Variants in THADA observed in about 807,000 individuals in gnomAD.
The protein encoded by THADA is THADA armadillo repeat containing, also known as tRNA (32-2'-O)-methyltransferase regulator THADA.
THADA carries 213 observed loss-of-function variants against 219.8 expected under a neutral mutation model. The observed-to-expected ratio is 0.97, with a 90% CI of 0.87 to 1.09. The LOEUF is 1.09. THADA is among the 50% of genes least tolerant of loss of function. The pLI, the probability that THADA is intolerant of heterozygous loss-of-function variation, is 0.00. For synonymous variants in THADA, 1,018 were observed against 828.9 expected (o/e 1.23, Z -3.92); for missense variants, 2,956 against 2,311.3 (o/e 1.28, Z -5.72).
intron 26 of THADA, among the ~76,000 whole-genome samples, chr2:43,445,304 T>G (rs1164545587): frequency 6.6e-6 from 1 of 152,100 alleles, no homozygotes; most frequent in African/African-American, 2.4e-5. Context: ...AAAAGAAATC[T>G]CAGTTTGAAA....
intron 36 of THADA, among the ~76,000 whole-genome samples, chr2:43,277,025 A>G (rs543435201): frequency 4.1e-4 from 63 of 151,862 alleles, no homozygotes; most frequent in Middle Eastern, 6.8e-3. Context: ...TCCCAACCCC[A>G]CTGAGAGCAG....
intron 26 of THADA, among the ~76,000 whole-genome samples, chr2:43,436,668 G>C (rs138714224): frequency 1.3e-5 from 2 of 152,104 alleles, no homozygotes; most frequent in Non-Finnish European, 2.9e-5. Flanking sequence ...CTGTACTTAA[G>C]CAATCCTTCC....
chr2:43,390,000 C>T (rs1373386574), intron 29 of THADA, among the ~76,000 whole-genome samples: 2 of 152,196 alleles, frequency 1.3e-5, no homozygotes, highest in Non-Finnish European at 2.9e-5. Context: ...CAGTACCTGA[C>T]ATAGTATGTA....
At chr2:43,583,978 T>A (rs1700737497) in intron 7 of THADA, among the ~76,000 whole-genome samples, 1 of 147,412 alleles carries the variant, frequency 6.8e-6, no homozygotes, top group South Asian at 2.1e-4. Context: ...AGGCAGAGAT[T>A]GCAGTGAGCC....
chr2:43,500,988 A>T (rs959465147), intron 24 of THADA, among the ~76,000 whole-genome samples: 3 of 152,084 alleles, frequency 2.0e-5, no homozygotes, highest in African/African-American at 7.2e-5. Context: ...AAGACATTAG[A>T]AATAAATCTC....
At chr2:43,400,346 AAAG>A (rs1245945497) in intron 28 of THADA, among the ~76,000 whole-genome samples, 1 of 151,874 alleles carries the variant, frequency 6.6e-6, no homozygotes, top group African/African-American at 2.4e-5. Context: ...AATTACCAAA[AAAG>A]AAGCCAATTC....
At chr2:43,438,435 G>C (rs1425999249) in intron 26 of THADA, among the ~76,000 whole-genome samples, 1 of 151,936 alleles carries the variant, frequency 6.6e-6, no homozygotes, top group Admixed American at 6.6e-5. Flanking sequence ...AATTACTACA[G>C]TTCTGAAAAA....
intron 31 of THADA, among the ~76,000 whole-genome samples, chr2:43,303,064 G>A (rs1434503471): frequency 6.6e-6 from 1 of 152,204 alleles, no homozygotes; most frequent in East Asian, 1.9e-4. Flanking sequence ...TACAGCTTTG[G>A]AGAAGTTGAT....
intron 26 of THADA, among the ~76,000 whole-genome samples, chr2:43,439,773 G>C (rs983010835): frequency 6.6e-6 from 1 of 152,152 alleles, no homozygotes; most frequent in Non-Finnish European, 1.5e-5. Context: ...GTCTTGAAAA[G>C]TATCCCCCAC....
intron 31 of THADA, 147 bp from the exon 32 acceptor site, chr2:43,293,360 C>T: frequency 1.1e-6 from 1 of 893,422 alleles, no homozygotes. Context: ...AGTGAGTGGC[C>T]CTCTAAGGTT....
chr2:43,444,939 C>T (rs1403821689), intron 26 of THADA, among the ~76,000 whole-genome samples: 1 of 152,162 alleles, frequency 6.6e-6, no homozygotes, highest in African/African-American at 2.4e-5. Context: ...AAAAACAGGA[C>T]TTATTCACAG....
At chr2:43,346,875 C>T (rs1244346906) in intron 29 of THADA, among the ~76,000 whole-genome samples, 1 of 152,200 alleles carries the variant, frequency 6.6e-6, no homozygotes, top group Non-Finnish European at 1.5e-5. Context: ...TGACCTCCCC[C>T]TCCAACAAGT....
At chr2:43,238,118 C>CA (rs59802310) in intron 36 of THADA, among the ~76,000 whole-genome samples, 2,823 of 28,208 alleles carry the variant, frequency 0.1, 764 homozygotes, top group East Asian at 0.2. Context: ...GATTCCATCT[C>CA]AAAAAAAAAA....
rs1355402404 is a variant in THADA at position 43,498,964 on chromosome 2, A to G, written c.3622-9T>C. ...ATATTTAAAGCATGAACCTAAAACAAGAAGTTCAAAATTAGTTGTGGGTTG... is the reference window on the plus strand; with the variant it reads ...ATATTTAAAGCATGAACCTAAAACAGGAAGTTCAAAATTAGTTGTGGGTTG... On this transcript the variant is annotated splice_polypyrimidine_tract_variant and intron_variant, in intron 24 of 37. Transcript: ENST00000405975. The G allele has an allele frequency of 4.5e-6, 7 of 1,555,714 alleles. No homozygotes were observed. In the African/African-American group the frequency reaches 5.4e-5, roughly 12 times the overall value.
Position 43,590,960 on chromosome 2 carries a change from A to G in THADA, c.172-6T>C. The stretch of plus-strand genomic sequence containing the variant: ...TTCTCCAGCAGAGGCACAATCTATA[A>G]TACAAAACATTGAAGTAATTTTTAT... On this transcript the variant is annotated splice_polypyrimidine_tract_variant and splice_region_variant and intron_variant, in intron 3 of 37. Transcript: ENST00000405975. The G allele has an allele frequency of 1.2e-6, 2 of 1,605,962 alleles. No individual in the cohort carries two copies. The highest frequency in any genetic ancestry group is 1.7e-6 in the Non-Finnish European group (2 of 1,176,968).
intron 32 of THADA, among the ~76,000 whole-genome samples, 200 bp downstream of exon 32, chr2:43,292,634 G>A (rs531865263): frequency 6.6e-6 from 1 of 152,264 alleles, no homozygotes; most frequent in African/African-American, 2.4e-5. Context: ...ATCATCAAAA[G>A]CTTTTCTTGG....
chr2:43,576,772 A>C lies in THADA; in HGVS notation c.1037+250T>G, dbSNP rs62138779. Among the ~76,000 whole-genome samples, 1,329 of 152,190 alleles carry C rather than the reference A, an allele frequency of 8.7e-3. 26 individuals carry two copies. Among genetic ancestry groups the C allele is most frequent in the Non-Finnish European group, 9.1e-3 (617 of 67,990 alleles). Reference sequence around the variant, plus strand: ...TGGGCTCAAGCAATGTTCTCACCTCAGCCTCCCACGTAGCTGAGACTACAG... The same window carrying C: ...TGGGCTCAAGCAATGTTCTCACCTCCGCCTCCCACGTAGCTGAGACTACAG... On this transcript the variant is annotated intron_variant, in intron 10 of 37. Transcript: ENST00000405975.
intron 14 of THADA, among the ~76,000 whole-genome samples, chr2:43,567,329 C>T (rs780015102): frequency 2.0e-5 from 3 of 152,050 alleles, no homozygotes; most frequent in Non-Finnish European, 2.9e-5. Context: ...AAACAGGATT[C>T]ACATTAAAAC....
At chr2:43,395,597 G>C (rs1405361291) in intron 29 of THADA, among the ~76,000 whole-genome samples, 1 of 152,216 alleles carries the variant, frequency 6.6e-6, no homozygotes, top group Non-Finnish European at 1.5e-5. Flanking sequence ...TTATTTTCAA[G>C]TGATGCCAAG....
Sources: allele counts gnomAD v4.1 joint callset (sites outside exome capture counted in the v4.1 genomes callset), GRCh38; gene constraint gnomAD v4.1.1; transcripts MANE v1.5; gene names NCBI Gene and HGNC (gene_info 2026-07-23, HGNC 2026-07-21).